HMGN5: variants seen among roughly 807,000 people sequenced by gnomAD.
HMGN5 encodes high mobility group nucleosome binding domain 5.
A neutral mutation model predicts 9.5 loss-of-function variants in HMGN5; 4 were observed. The ratio of observed to expected loss-of-function variants is 0.42; its 90% CI spans 0.21 to 0.96. The LOEUF is 0.96. HMGN5 is among the 40% of genes least tolerant of loss of function. The pLI, the probability that HMGN5 is intolerant of heterozygous loss-of-function variation, is 0.30. For synonymous variants in HMGN5, 55 were observed against 57.1 expected (o/e 0.96, Z 0.16); for missense variants, 192 against 187.5 (o/e 1.02, Z -0.14).
At chrX:81,118,532 T>G in intron 4 of HMGN5, 47 bp from the exon 5 acceptor site, 2 of 1,031,289 alleles carry the variant, frequency 1.9e-6, no homozygotes, top group Non-Finnish European at 2.7e-6. Flanking sequence ...AAAATCATAT[T>G]TGAAGAAAGA....
At chrX:81,130,331 C>A (rs2075295145) in intron 1 of HMGN5, among the ~76,000 whole-genome samples, 2 of 111,423 alleles carry the variant, frequency 1.8e-5, no homozygotes, top group Admixed American at 9.6e-5. Context: ...TTGCACTTAT[C>A]AGGATCTTAC....
At chrX:81,132,600 A>T (rs913363095) in intron 1 of HMGN5, among the ~76,000 whole-genome samples, 2 of 111,810 alleles carry the variant, frequency 1.8e-5, no homozygotes, top group Non-Finnish European at 3.8e-5. Flanking sequence ...TAGGGAAAGG[A>T]TTCCGTGTTC....
intron 1 of HMGN5, among the ~76,000 whole-genome samples, chrX:81,141,263 T>C (rs1334152997): frequency 1.8e-5 from 2 of 111,635 alleles, no homozygotes; most frequent in African/African-American, 6.5e-5. Context: ...AGGACACAGG[T>C]CTGGCTGGCC....
At chrX:81,185,650 G>A (rs2075475243) in intron 1 of HMGN5, among the ~76,000 whole-genome samples, 1 of 111,332 alleles carries the variant, frequency 9.0e-6, no homozygotes, top group Non-Finnish European at 1.9e-5. Flanking sequence ...CCAGTACTAT[G>A]CTGAATATCA....
chrX:81,122,731 C>T (rs1352492590), intron 1 of HMGN5, among the ~76,000 whole-genome samples: 1 of 111,812 alleles, frequency 8.9e-6, no homozygotes, highest in Non-Finnish European at 1.9e-5. Context: ...GTCTCCATAG[C>T]GTCACTCTAG....
At chrX:81,195,109 T>C (rs923666210) in intron 1 of HMGN5, 2 of 111,460 alleles carry the variant, frequency 1.8e-5, no homozygotes, top group Non-Finnish European at 1.9e-5. Context: ...TTAAGAAGCA[T>C]TGACTCACAC....
At chrX:81,145,017 C>G (rs943185733) in intron 1 of HMGN5, among the ~76,000 whole-genome samples, 3 of 111,661 alleles carry the variant, frequency 2.7e-5, no homozygotes, top group Non-Finnish European at 5.6e-5. Flanking sequence ...GCCAAATCTA[C>G]GTTTGATTGG....
intron 1 of HMGN5, among the ~76,000 whole-genome samples, chrX:81,199,397 C>A (rs200607824): frequency 1.7e-3 from 170 of 100,866 alleles, no homozygotes; most frequent in Middle Eastern, 4.9e-3. Context: ...TCATATGGAA[C>A]CAAAAAAGAG....
At chrX:81,172,770 A>T (rs1371571543) in intron 1 of HMGN5, among the ~76,000 whole-genome samples, 1 of 111,095 alleles carries the variant, frequency 9.0e-6, no homozygotes, top group Non-Finnish European at 1.9e-5. Flanking sequence ...AAACTGGAAA[A>T]AATATTTGCA....
intron 1 of HMGN5, among the ~76,000 whole-genome samples, chrX:81,185,448 T>C (rs2075474751): frequency 8.9e-6 from 1 of 112,138 alleles, no homozygotes; most frequent in South Asian, 3.6e-4. Flanking sequence ...TGCTAGCAGT[T>C]ATTATATGTT....
chrX:81,159,391 A>G (rs750192718), intron 1 of HMGN5, among the ~76,000 whole-genome samples: 10 of 111,522 alleles, frequency 9.0e-5, no homozygotes, highest in South Asian at 7.6e-4. Context: ...CAGAACTTCA[A>G]ATAAAAATAA....
At chrX:81,155,448 A>G (rs764294483) in intron 1 of HMGN5, among the ~76,000 whole-genome samples, 4 of 109,678 alleles carry the variant, frequency 3.6e-5, no homozygotes, top group South Asian at 3.9e-4. Context: ...GTTCACACAT[A>G]AAGCTGTACA....
intron 1 of HMGN5, among the ~76,000 whole-genome samples, chrX:81,136,896 A>T (rs763386813): frequency 9.0e-6 from 1 of 111,686 alleles, no homozygotes; most frequent in Admixed American, 9.5e-5. Context: ...AAAAGGTAGG[A>T]ATTAATACAT....
At chrX:81,147,079 G>A (rs771914675) in intron 1 of HMGN5, among the ~76,000 whole-genome samples, 1 of 111,850 alleles carries the variant, frequency 8.9e-6, no homozygotes, top group East Asian at 2.8e-4. Flanking sequence ...ACAAAGAGGA[G>A]CTGGTACCAT....
chrX:81,156,754 A>T (rs1271011663), intron 1 of HMGN5, among the ~76,000 whole-genome samples: 3 of 110,560 alleles, frequency 2.7e-5, no homozygotes, highest in Non-Finnish European at 5.7e-5. Flanking sequence ...TCTATTTAAT[A>T]ACTGAATAAA....
chrX:81,161,907 A>ATCTG, intron 1 of HMGN5, among the ~76,000 whole-genome samples: 1 of 111,716 alleles, frequency 9.0e-6, no homozygotes, highest in African/African-American at 3.3e-5. Context: ...TATTATAAAG[A>ATCTG]ATGCAGTACT....
At chrX:81,199,472 C>A (rs1440404512) in intron 1 of HMGN5, among the ~76,000 whole-genome samples, 8 of 112,465 alleles carry the variant, frequency 7.1e-5, no homozygotes, top group African/African-American at 2.6e-4. Flanking sequence ...TACCTGACTT[C>A]AAACTATACT....
intron 1 of HMGN5, among the ~76,000 whole-genome samples, chrX:81,165,679 C>T (rs2075409109): frequency 9.0e-6 from 1 of 111,114 alleles, no homozygotes; most frequent in African/African-American, 3.3e-5. Flanking sequence ...AGGGTTATTG[C>T]CATGGTATAG....
chrX:81,118,603 A>G, intron 4 of HMGN5, 118 bp from the exon 5 acceptor site: 1 of 811,916 alleles, frequency 1.2e-6, no homozygotes, highest in Non-Finnish European at 1.8e-6. Context: ...AAAAAAATAC[A>G]TTTCCTTGGT....
Sources: allele counts gnomAD v4.1 joint callset (sites outside exome capture counted in the v4.1 genomes callset), GRCh38; gene constraint gnomAD v4.1.1; transcripts MANE v1.5; gene names NCBI Gene and HGNC (gene_info 2026-07-23, HGNC 2026-07-21).